Variants in FER1L6 observed in about 807,000 individuals in gnomAD.
FER1L6 encodes fer-1-like protein 6.
FER1L6 carries 177 observed loss-of-function variants against 219.2 expected under a neutral mutation model. The ratio of observed to expected loss-of-function variants is 0.81; its 90% CI spans 0.71 to 0.91. The LOEUF is 0.91. Ranked by LOEUF, FER1L6 falls within the 40% of genes least tolerant of loss-of-function variation. The pLI, the probability that FER1L6 is intolerant of heterozygous loss-of-function variation, is 0.00. For synonymous variants in FER1L6, 768 were observed against 824.3 expected (o/e 0.93, Z 1.17); for missense variants, 2,153 against 2,259.9 (o/e 0.95, Z 0.96).
At chr8:124,004,290 T>A (rs1364514948) in intron 13 of FER1L6, 7 of 152,182 alleles carry the variant, frequency 4.6e-5, no homozygotes, top group African/African-American at 1.7e-4. Flanking sequence ...CAAGCACCAA[T>A]CAAACAAGAA....
At chr8:123,882,089 C>A (rs1397988011) in intron 1 of FER1L6, among the ~76,000 whole-genome samples, 1 of 151,916 alleles carries the variant, frequency 6.6e-6, no homozygotes, top group Non-Finnish European at 1.5e-5. Context: ...TTAGGGGAAC[C>A]AAAGAAAGAA....
At chr8:123,965,406 T>C (rs1272675005) in intron 3 of FER1L6, among the ~76,000 whole-genome samples, 7 of 152,208 alleles carry the variant, frequency 4.6e-5, no homozygotes, top group Non-Finnish European at 8.8e-5. Flanking sequence ...TCTCTTTCTG[T>C]TGTTATCCAT....
At chr8:124,011,901 G>A (rs115125685) in intron 14 of FER1L6, among the ~76,000 whole-genome samples, 4,766 of 152,078 alleles carry the variant, frequency 0.031, 238 homozygotes, top group African/African-American at 0.11. Flanking sequence ...TACCTGGCAC[G>A]TGATAGCCAC....
chr8:123,959,575 G>A (rs147480364), intron 2 of FER1L6, among the ~76,000 whole-genome samples: 69 of 152,306 alleles, frequency 4.5e-4, no homozygotes, highest in African/African-American at 1.5e-3. Flanking sequence ...ACAAGGCCTG[G>A]CCTAGGTGCA....
At chr8:123,993,512 C>T (rs907540972) in intron 12 of FER1L6, among the ~76,000 whole-genome samples, 21 of 152,056 alleles carry the variant, frequency 1.4e-4, no homozygotes, top group African/African-American at 1.7e-4. Flanking sequence ...ACCAGGGCTG[C>T]CTGACTGTTT....
At chr8:124,073,315 G>A (rs997469809) in intron 31 of FER1L6, among the ~76,000 whole-genome samples, 1 of 152,186 alleles carries the variant, frequency 6.6e-6, no homozygotes, top group Non-Finnish European at 1.5e-5. Flanking sequence ...GGGGACGGAG[G>A]CCTTGGGCTG....
At chr8:123,882,421 A>T (rs908396162) in intron 1 of FER1L6, among the ~76,000 whole-genome samples, 1 of 152,168 alleles carries the variant, frequency 6.6e-6, no homozygotes, top group East Asian at 1.9e-4. Context: ...AGATGTGCTT[A>T]CTTGGTTGGG....
At chr8:124,043,253 T>G (rs1266924547) in intron 20 of FER1L6, among the ~76,000 whole-genome samples, 1 of 152,112 alleles carries the variant, frequency 6.6e-6, no homozygotes, top group Non-Finnish European at 1.5e-5. Context: ...CTCCGCAGGG[T>G]AGGTGCTAAC....
chr8:123,887,697 TTG>T (rs34145644), intron 1 of FER1L6, among the ~76,000 whole-genome samples: 114,749 of 151,114 alleles, frequency 0.76, 43,584 homozygotes, highest in South Asian at 0.86. Flanking sequence ...TTTGAAATTG[TTG>T]TGTGTGTGTG....
chr8:124,083,269 T>C (rs1252452236), intron 33 of FER1L6, among the ~76,000 whole-genome samples: 2 of 152,222 alleles, frequency 1.3e-5, no homozygotes, highest in African/African-American at 4.8e-5. Flanking sequence ...ATTTTTGTAC[T>C]CATTAACCAT....
intron 16 of FER1L6, among the ~76,000 whole-genome samples, chr8:124,019,002 G>A (rs908461090): frequency 1.1e-4 from 17 of 152,164 alleles, no homozygotes; most frequent in Non-Finnish European, 7.3e-5. Flanking sequence ...TCTAGAGTAT[G>A]GCAAAAGTCT....
At chr8:124,049,273 CTT>C (rs1757751641) in intron 21 of FER1L6, among the ~76,000 whole-genome samples, 1 of 152,242 alleles carries the variant, frequency 6.6e-6, no homozygotes, top group African/African-American at 2.4e-5. Flanking sequence ...GGCTTGATCT[CTT>C]GACCTCATGA....
At chr8:123,957,548 A>C (rs1183245059) in intron 2 of FER1L6, among the ~76,000 whole-genome samples, 2 of 152,168 alleles carry the variant, frequency 1.3e-5, no homozygotes, top group Non-Finnish European at 2.9e-5. Context: ...GACTCTGAAA[A>C]GTAGATTCTT....
chr8:124,004,115 C>CAAAAAAAAA (rs80310802), intron 13 of FER1L6: 11 of 78,458 alleles, frequency 1.4e-4, no homozygotes, highest in East Asian at 1.1e-3. Flanking sequence ...CTGAAAGACT[C>CAAAAAAAAA]AAAAAAAAAA....
chr8:123,994,031 A>C lies in FER1L6; in HGVS notation c.1519+7855A>C, dbSNP rs73706336. 6.0e-3 allele frequency among the ~76,000 whole-genome samples: 918 copies of C among 152,332 alleles called. 9 individuals are homozygous for C. The highest frequency in any genetic ancestry group is 0.021 in the African/African-American group (860 of 41,566). Reference sequence around the variant, plus strand: ...GCAATGCTGTTAGTTAAGGCCATGCACAAGTTTTCTCCTTCCTGGATGCTG... The same window carrying C: ...GCAATGCTGTTAGTTAAGGCCATGCCCAAGTTTTCTCCTTCCTGGATGCTG... On this transcript the variant is annotated intron_variant, in intron 12 of 40. Transcript: ENST00000522917.
Position 124,076,325 on chromosome 8 carries a change from G to A in FER1L6, c.4220G>A (p.Arg1407Lys). 1 of 1,613,282 alleles carries A rather than the reference G, an allele frequency of 6.2e-7. No homozygotes were observed. Among genetic ancestry groups the A allele is most frequent in the Non-Finnish European group, 8.5e-7 (1 of 1,179,354 alleles). The change falls in exon 32 of 41, where the codon AGG becomes AAG. Residue 1407 changes from arginine to lysine, a missense_variant and splice_region_variant. Transcript: ENST00000522917. ...AAACAACTGAACCCAGTATTTGGAA[G>A]GTCAGTGGCCATCTGGGCTGTGTTT... ...IPKQLNPVFG[R>K]SFEIQATFPK...
intron 2 of FER1L6, among the ~76,000 whole-genome samples, chr8:123,959,086 C>A (rs190447248): frequency 6.6e-6 from 1 of 152,080 alleles, no homozygotes; most frequent in Non-Finnish European, 1.5e-5. Flanking sequence ...AAAAGTGACA[C>A]GGTCTGGTTT....
At chr8:124,009,210 C>A (rs1368743913) in intron 13 of FER1L6, among the ~76,000 whole-genome samples, 15 of 152,184 alleles carry the variant, frequency 9.9e-5, no homozygotes, top group Admixed American at 9.8e-4. Context: ...CATTTAAAAC[C>A]ATCCTCCTTC....
At chr8:124,071,480 C>CA (rs955349337) in intron 30 of FER1L6, 26 bp from the exon 31 acceptor site, 1 of 1,613,390 alleles carries the variant, frequency 6.2e-7, no homozygotes, top group Non-Finnish European at 8.5e-7. Flanking sequence ...CATCTCATTT[C>CA]AATGGGTTGC....
Sources: allele counts gnomAD v4.1 joint callset (sites outside exome capture counted in the v4.1 genomes callset), GRCh38; gene constraint gnomAD v4.1.1; transcripts MANE v1.5; gene names NCBI Gene and HGNC (gene_info 2026-07-23, HGNC 2026-07-21).